ADGRL2: variants seen among roughly 807,000 people sequenced by gnomAD.
The protein encoded by ADGRL2 is calcium-independent alpha-latrotoxin receptor 2.
A neutral mutation model predicts 157.4 loss-of-function variants in ADGRL2; 44 were observed. The observed-to-expected ratio is 0.28, with a 90% CI of 0.22 to 0.36. The LOEUF is 0.36. ADGRL2 is among the 10% of genes least tolerant of loss of function. The pLI, the probability that ADGRL2 is intolerant of heterozygous loss-of-function variation, is 1.00. For missense variants in ADGRL2, 1,510 were observed against 1,768.9 expected (o/e 0.85, Z 2.63); for synonymous variants, 585 against 624.7 (o/e 0.94, Z 0.95).
chr1:81,960,114 T>TA (rs1188060583), intron 11 of ADGRL2, among the ~76,000 whole-genome samples: 2 of 152,150 alleles, frequency 1.3e-5, no homozygotes, highest in Non-Finnish European at 2.9e-5. Flanking sequence ...ATTTTTTCAT[T>TA]AAAAGTTATT....
intron 3 of ADGRL2, among the ~76,000 whole-genome samples, chr1:81,668,061 ATAT>A (rs1027072505): frequency 6.6e-6 from 1 of 152,202 alleles, no homozygotes; most frequent in Non-Finnish European, 1.5e-5. Context: ...GCTTCTAATA[ATAT>A]TTAGTGAGAA....
chr1:81,976,653 A>G (rs191453663), intron 17 of ADGRL2, among the ~76,000 whole-genome samples: 33 of 152,100 alleles, frequency 2.2e-4, no homozygotes, highest in African/African-American at 7.9e-4. Context: ...AGCTTATGTG[A>G]TATTTAGCAA....
At chr1:81,390,421 A>G (rs1291150839) in intron 1 of ADGRL2, among the ~76,000 whole-genome samples, 5 of 152,304 alleles carry the variant, frequency 3.3e-5, no homozygotes, top group African/African-American at 1.2e-4. Context: ...TTGGTATAAC[A>G]TATTGGTATT....
At chr1:81,426,507 C>A in intron 1 of ADGRL2, 1 of 401,946 alleles carries the variant, frequency 2.5e-6, no homozygotes, top group Admixed American at 2.9e-5. Flanking sequence ...CCAGCTGTGA[C>A]CGTCACCGCC....
At chr1:81,408,040 A>G (rs1255968245) in intron 1 of ADGRL2, among the ~76,000 whole-genome samples, 2 of 152,194 alleles carry the variant, frequency 1.3e-5, no homozygotes, top group Non-Finnish European at 2.9e-5. Flanking sequence ...CAAGACACAC[A>G]CAGGAAAAAG....
chr1:81,885,253 C>T (rs76289900), intron 2 of ADGRL2, among the ~76,000 whole-genome samples: 1 of 152,112 alleles, frequency 6.6e-6, no homozygotes, highest in Non-Finnish European at 1.5e-5. Context: ...GTAACATATT[C>T]ATGTAAATAT....
At chr1:81,796,172 G>C (rs768826453), upstream of ADGRL2, among the ~76,000 whole-genome samples, 1 of 152,044 alleles carries the variant, frequency 6.6e-6, no homozygotes, top group Non-Finnish European at 1.5e-5. Context: ...TGTATTTTTG[G>C]TAGAGACGGG....
At chr1:81,931,082 A>C (rs2182600) in intron 3 of ADGRL2, among the ~76,000 whole-genome samples, 1 of 152,024 alleles carries the variant, frequency 6.6e-6, no homozygotes, top group East Asian at 1.9e-4. Context: ...CCGGGAGGCC[A>C]AGGTTGCAGT....
chr1:81,907,729 A>G (rs1461686421), intron 3 of ADGRL2, among the ~76,000 whole-genome samples: 1 of 152,168 alleles, frequency 6.6e-6, no homozygotes, highest in Non-Finnish European at 1.5e-5. Flanking sequence ...TCTCAACTGA[A>G]GATACTTTGC....
intron 1 of ADGRL2, among the ~76,000 whole-genome samples, chr1:81,390,004 T>C (rs1317170251): frequency 1.3e-5 from 2 of 151,958 alleles, no homozygotes; most frequent in Non-Finnish European, 2.9e-5. Flanking sequence ...ATAATACAGG[T>C]TGAGGTAATG....
chr1:81,676,482 G>A (rs939157511), intron 3 of ADGRL2, among the ~76,000 whole-genome samples: 1 of 151,738 alleles, frequency 6.6e-6, no homozygotes, highest in Non-Finnish European at 1.5e-5. Context: ...AAAATTTTTT[G>A]TAGAGATAAT....
intron 19 of ADGRL2, 28 bp downstream of exon 19, chr1:81,982,004 C>A (rs779995668): frequency 6.3e-7 from 1 of 1,577,840 alleles, no homozygotes; most frequent in Non-Finnish European, 8.6e-7. Flanking sequence ...CCTAGGGGCT[C>A]AGGTTACTCA....
chr1:81,535,395 A>ATG (rs1491496572), intron 2 of ADGRL2, among the ~76,000 whole-genome samples: 2 of 150,692 alleles, frequency 1.3e-5, no homozygotes, highest in African/African-American at 5.0e-5. Context: ...CCCTTATCTC[A>ATG]TGTGTGTGTG....
chr1:81,836,718 T>C (rs17107279), intron 1 of ADGRL2, among the ~76,000 whole-genome samples, 167 bp from the exon 2 acceptor site: 21,335 of 152,072 alleles, frequency 0.14, 1,661 homozygotes, highest in East Asian at 0.2. Context: ...TTTGACTGTT[T>C]TCAGAATGTA....
intron 1 of ADGRL2, among the ~76,000 whole-genome samples, chr1:81,742,549 A>T (rs1451566881): frequency 6.6e-6 from 1 of 152,060 alleles, no homozygotes; most frequent in Non-Finnish European, 1.5e-5. Flanking sequence ...TGCCTTCAAA[A>T]GATGCAAATT....
At chr1:81,469,646 G>T (rs1227452551) in intron 2 of ADGRL2, among the ~76,000 whole-genome samples, 1 of 152,050 alleles carries the variant, frequency 6.6e-6, no homozygotes. Flanking sequence ...CCACAGGCGG[G>T]CTCTATTCCT....
intron 1 of ADGRL2, among the ~76,000 whole-genome samples, chr1:81,333,746 T>TG (rs1235992894): frequency 1.6e-5 from 2 of 123,512 alleles, no homozygotes; most frequent in East Asian, 2.2e-4. Flanking sequence ...CTTTCAGAGC[T>TG]GGGGGGTTCC....
At chr1:81,727,678 G>A (rs575310034) in intron 1 of ADGRL2, among the ~76,000 whole-genome samples, 48 of 152,118 alleles carry the variant, frequency 3.2e-4, no homozygotes, top group African/African-American at 1.0e-3. Flanking sequence ...TGATCCGTCC[G>A]CCTCAGCCTT....
chr1:81,966,463 A>C lies in ADGRL2; in HGVS notation c.2203A>C (p.Asn735His). 6.2e-7 allele frequency: 1 copy of C among 1,614,100 alleles called. No homozygotes were observed. The highest frequency in any genetic ancestry group is 8.5e-7 in the Non-Finnish European group (1 of 1,180,008). Reference protein sequence around the residue: ...RSLGQFLSTENATIKLGADFI... With the variant: ...RSLGQFLSTEHATIKLGADFI... Reference sequence around the variant, plus strand: ...CCTGGGACAGTTCCTTAGTACAGAAAATGCAACCATTAAACTGGGTGCTGA... The same window carrying C: ...CCTGGGACAGTTCCTTAGTACAGAACATGCAACCATTAAACTGGGTGCTGA... The change falls in exon 13 of 24, where the codon AAT becomes CAT. Residue 735 changes from asparagine (N) to histidine (H), a missense_variant. By Grantham distance (68) the Asn-to-His change is moderately conservative (BLOSUM62 1). Transcript: ENST00000686636.
Sources: gnomAD v4.1 joint callset for allele counts (sites outside exome capture counted in the v4.1 genomes callset) on GRCh38, gnomAD v4.1.1 for gene constraint, MANE v1.5 for transcripts, NCBI Gene and HGNC (gene_info 2026-07-23, HGNC 2026-07-21) for gene names.